The following ANK2 variants were observed in gnomAD, a reference collection of about 807,000 sequenced individuals.
ANK2 encodes ankyrin-2.
ANK2 carries 83 observed loss-of-function variants against 360.5 expected under a neutral mutation model. The ratio of observed to expected loss-of-function variants is 0.23; its 90% CI spans 0.19 to 0.28. The LOEUF (loss-of-function observed/expected upper bound fraction) is 0.28. Among genes scored for constraint, ANK2 ranks in the 10% least tolerant of loss-of-function variants. The probability of loss-of-function intolerance (pLI) is 1.00; values close to 1 mark genes in which losing one functional copy is unlikely to be tolerated. For missense variants in ANK2, 4,201 were observed against 4,795.7 expected, an observed-to-expected ratio of 0.88 and a Z score of 3.66; for synonymous variants, 1,740 against 1,759.5, an observed-to-expected ratio of 0.99 and a Z score of 0.28.
At position 113,363,331 on chromosome 4, in the gene ANK2, C is replaced by T; in HGVS notation, c.10757-7C>T. ...ATGTGTTTACAAAGTAGTATTTTAT[C>T]TTCTAGAATTAGCAAGAGAACTGGA... On this transcript the variant is annotated splice_region_variant and splice_polypyrimidine_tract_variant and intron_variant, in intron 39 of 45. Transcript: ENST00000357077. 6.2e-7 allele frequency: 1 copy of T among 1,612,458 alleles called. No individual in the cohort carries two copies. The highest frequency in any genetic ancestry group is 8.5e-7 in the Non-Finnish European group (1 of 1,179,188).
chr4:113,066,990 G>A (rs2075855975), intron 1 of ANK2, among the ~76,000 whole-genome samples: 1 of 151,942 alleles, frequency 6.6e-6, no homozygotes, highest in African/African-American at 2.4e-5. Context: ...AGTTTGTGAA[G>A]TGAAAAACAA....
intron 4 of ANK2, among the ~76,000 whole-genome samples, chr4:113,202,337 A>G (rs2098842024): frequency 6.6e-6 from 1 of 151,878 alleles, no homozygotes; most frequent in African/African-American, 2.4e-5. Context: ...TTATGTGACA[A>G]TATGGGGTGT....
intron 2 of ANK2, among the ~76,000 whole-genome samples, chr4:112,992,701 A>T (rs2047226365): frequency 6.6e-6 from 1 of 152,128 alleles, no homozygotes; most frequent in South Asian, 2.1e-4. Context: ...TAAGGGCACG[A>T]ATCTCATCAA....
chr4:113,292,274 T>G lies in ANK2; in HGVS notation c.2278-142T>G. ...TGAGGGAGTGTTTGCTGCTGAGAAA[T>G]GGGTTGCTGATCATCTTGGGCTCCA... On this transcript the variant is annotated intron_variant, in intron 20 of 45. Coordinates refer to ENST00000357077, the MANE Select transcript of ANK2 (RefSeq NM_001148.6). The G allele has an allele frequency of 6.4e-6, 5 of 775,776 alleles. No homozygotes were observed. The South Asian group carries it at 7.6e-5, about 12-fold the overall frequency. The allele number at this position is 775,776 out of a possible 1,614,324, so 48.1% of individuals were successfully genotyped here.
Position 113,137,632 on chromosome 4 carries a change from C to T in ANK2, c.85-36784C>T, listed in dbSNP as rs1668560942. Among the ~76,000 whole-genome samples the T allele has an allele frequency of 2.0e-5, 3 of 152,262 alleles. No individual in the cohort carries two copies. The Middle Eastern group carries it at 0.01, about 518-fold the overall frequency. ...TTTTAAATCATATTTATATTCCTTT[C>T]TTCTTCCTCTTTCCTTCTTCCTTCT... On this transcript the variant is annotated intron_variant, in intron 1 of 45. Transcript: ENST00000357077.
the ANK2 span, among the ~76,000 whole-genome samples, chr4:112,763,291 C>T: frequency 6.8e-6 from 1 of 147,182 alleles, no homozygotes. Context: ...GTGCAGTGGG[C>T]GATCTCCGCT....
At chr4:113,144,574 G>A (rs2096758799) in intron 1 of ANK2, among the ~76,000 whole-genome samples, 1 of 151,342 alleles carries the variant, frequency 6.6e-6, no homozygotes, top group Middle Eastern at 3.2e-3. Flanking sequence ...ACTTTTTTTA[G>A]ACATTTAATA....
intron 2 of ANK2, among the ~76,000 whole-genome samples, chr4:112,941,492 T>C (rs927610612): frequency 1.4e-5 from 2 of 143,390 alleles, no homozygotes; most frequent in African/African-American, 5.0e-5. Flanking sequence ...TAAATAAAGG[T>C]ATGTAAATAT....
At chr4:113,338,839 G>T (rs57906331) in intron 31 of ANK2, among the ~76,000 whole-genome samples, 2,433 of 152,068 alleles carry the variant, frequency 0.016, 56 homozygotes, top group African/African-American at 0.056. Flanking sequence ...ATGAGTCACC[G>T]CGCCCGGCCG....
chr4:113,229,165 A>T (rs140521775), intron 4 of ANK2, among the ~76,000 whole-genome samples: 1 of 152,324 alleles, frequency 6.6e-6, no homozygotes, highest in Non-Finnish European at 1.5e-5. Flanking sequence ...TTACTACACC[A>T]CCAGTGGCTT....
intron 2 of ANK2, among the ~76,000 whole-genome samples, chr4:112,970,521 A>T (rs1230718870): frequency 6.6e-6 from 1 of 151,736 alleles, no homozygotes; most frequent in Non-Finnish European, 1.5e-5. Context: ...TGCCCAGCTA[A>T]TTTTTGTATT....
Position 113,292,427 on chromosome 4 carries a change from G to A in ANK2, c.2289G>A (p.Thr763=), listed in dbSNP as rs753131867. 8.7e-6 allele frequency: 14 copies of A among 1,610,006 alleles called. No individual in the cohort carries two copies. The East Asian group carries it at 1.3e-4, about 15-fold the overall frequency. ...NVNAKTKNGY[T]PLHQAAQQGH... ...ACTGTCCTCCACAGAACGGCTACAC[G>A]CCTTTGCACCAGGCCGCTCAGCAGG... The change falls in exon 21 of 46, where the codon ACG becomes ACA. Residue 763 remains threonine, a synonymous_variant. Coordinates refer to ENST00000357077, the MANE Select transcript of ANK2 (RefSeq NM_001148.6).
At chr4:112,997,521 A>G (rs1561468388) in intron 2 of ANK2, among the ~76,000 whole-genome samples, 2 of 152,070 alleles carry the variant, frequency 1.3e-5, no homozygotes, top group Non-Finnish European at 2.9e-5. Flanking sequence ...TGCCTCCACA[A>G]AATCCCTTTT....
chr4:113,159,102 A>G (rs2097411872), intron 1 of ANK2, among the ~76,000 whole-genome samples: 1 of 152,016 alleles, frequency 6.6e-6, no homozygotes, highest in Non-Finnish European at 1.5e-5. Flanking sequence ...TCTAAGAATT[A>G]TAAGGCATGG....
intron 5 of ANK2, among the ~76,000 whole-genome samples, 175 bp from the exon 6 acceptor site, chr4:113,236,812 A>G (rs1379761009): frequency 6.6e-6 from 1 of 152,214 alleles, no homozygotes; most frequent in Non-Finnish European, 1.5e-5. Flanking sequence ...GTCTGATTAA[A>G]CTATTCCATA....
intron 1 of ANK2, chr4:113,146,117 C>T: frequency 8.8e-7 from 1 of 1,142,434 alleles, no homozygotes; most frequent in South Asian, 1.5e-5. Context: ...AGAATAAAGC[C>T]AATGTGATCA....
chr4:112,708,743 T>C, the ANK2 span, among the ~76,000 whole-genome samples: 1 of 152,190 alleles, frequency 6.6e-6, no homozygotes, highest in Non-Finnish European at 1.5e-5. Context: ...ATCAACTTTT[T>C]GTTTTGATCA....
the ANK2 span, among the ~76,000 whole-genome samples, chr4:112,708,936 A>AT: frequency 6.6e-6 from 1 of 152,170 alleles, no homozygotes; most frequent in South Asian, 2.1e-4. Context: ...TTGAACAAAG[A>AT]TTTTTTTAAA....
intron 2 of ANK2, among the ~76,000 whole-genome samples, chr4:112,948,462 G>A (rs2094707903): frequency 6.6e-6 from 1 of 152,136 alleles, no homozygotes; most frequent in South Asian, 2.1e-4. Context: ...GGGCCCTGAT[G>A]AAGGAAGAGA....
Sources: allele counts gnomAD v4.1 joint callset (sites outside exome capture counted in the v4.1 genomes callset), GRCh38; gene constraint gnomAD v4.1.1; transcripts MANE v1.5; gene names NCBI Gene and HGNC (gene_info 2026-07-23, HGNC 2026-07-21).